The following PRKCH variants were observed in gnomAD, a reference collection of about 807,000 sequenced individuals.
The protein encoded by PRKCH is protein kinase C eta type.
Under a neutral mutation model 82.5 loss-of-function variants are expected in PRKCH, and 28 were observed. That is an observed-to-expected ratio of 0.34 (90% CI 0.25 to 0.47). The LOEUF is 0.47. Among genes scored for constraint, PRKCH ranks in the 20% least tolerant of loss-of-function variants. The pLI is 1.00. For missense variants in PRKCH, 705 were observed against 881.8 expected, an observed-to-expected ratio of 0.80 and a Z score of 2.54; for synonymous variants, 322 against 327.4, an observed-to-expected ratio of 0.98 and a Z score of 0.18.
chr14:61,386,206 T>A (rs931023995), intron 1 of PRKCH, among the ~76,000 whole-genome samples: 1 of 152,062 alleles, frequency 6.6e-6, no homozygotes, highest in African/African-American at 2.4e-5. Context: ...GCTGCAGTGG[T>A]GGGAAGAGCT....
At chr14:61,203,283 A>T (rs553137171) in intron 1 of PRKCH, among the ~76,000 whole-genome samples, 1 of 152,196 alleles carries the variant, frequency 6.6e-6, no homozygotes, top group South Asian at 2.1e-4. Flanking sequence ...AGAAACCCTA[A>T]ACCAGAAGCT....
chr14:61,290,604 T>G (rs755892160), intron 1 of PRKCH, among the ~76,000 whole-genome samples: 8 of 152,220 alleles, frequency 5.3e-5, no homozygotes, highest in Non-Finnish European at 1.0e-4. Context: ...CATCCCATTC[T>G]CCTATCCTTG....
At chr14:61,430,405 T>G (rs1203669938) in intron 2 of PRKCH, among the ~76,000 whole-genome samples, 1 of 152,214 alleles carries the variant, frequency 6.6e-6, no homozygotes, top group Non-Finnish European at 1.5e-5. Context: ...GGCAGTTTCT[T>G]ACAGAACTAA....
At chr14:61,490,720 C>T (rs1050114361) in intron 10 of PRKCH, among the ~76,000 whole-genome samples, 4 of 152,076 alleles carry the variant, frequency 2.6e-5, no homozygotes, top group African/African-American at 9.7e-5. Context: ...TCAAGACCAG[C>T]GTAGGCAACA....
At chr14:61,249,410 ACACT>A (rs910497779) in intron 1 of PRKCH, among the ~76,000 whole-genome samples, 5 of 151,958 alleles carry the variant, frequency 3.3e-5, no homozygotes, top group Admixed American at 3.3e-4. Flanking sequence ...TGTTTTGTAC[ACACT>A]CACTTTGGCA....
chr14:61,365,203 G>T (rs2140166083), intron 1 of PRKCH, among the ~76,000 whole-genome samples: 1 of 152,204 alleles, frequency 6.6e-6, no homozygotes, highest in Non-Finnish European at 1.5e-5. Flanking sequence ...GTAGATAGGT[G>T]TGTGTCCTAA....
At chr14:61,369,420 T>C (rs576480831) in intron 1 of PRKCH, among the ~76,000 whole-genome samples, 3 of 152,272 alleles carry the variant, frequency 2.0e-5, no homozygotes, top group East Asian at 3.9e-4. Context: ...CATTAGGGTT[T>C]ATCGTGAACC....
chr14:61,331,304 G>A (rs561226929), intron 1 of PRKCH, among the ~76,000 whole-genome samples: 3 of 152,032 alleles, frequency 2.0e-5, no homozygotes, highest in African/African-American at 7.2e-5. Flanking sequence ...AAATATATGG[G>A]GAGTTAACTT....
intron 1 of PRKCH, among the ~76,000 whole-genome samples, chr14:61,257,813 G>A (rs1288259709): frequency 1.3e-5 from 2 of 152,172 alleles, no homozygotes; most frequent in East Asian, 3.9e-4. Flanking sequence ...TGTAAGTCAT[G>A]TGAGGTGATT....
At chr14:61,191,733 A>T (rs2044407944) in intron 1 of PRKCH, among the ~76,000 whole-genome samples, 1 of 151,986 alleles carries the variant, frequency 6.6e-6, no homozygotes, top group Admixed American at 6.6e-5. Context: ...ACTCCTTCTG[A>T]ATTGCCTGGC....
At chr14:61,375,602 G>C (rs2046418913) in intron 1 of PRKCH, among the ~76,000 whole-genome samples, 1 of 150,730 alleles carries the variant, frequency 6.6e-6, no homozygotes, top group African/African-American at 2.4e-5. Context: ...TGGCAGAGCA[G>C]AGAGAGAGAG....
At chr14:61,431,223 C>A (rs571571350) in intron 2 of PRKCH, among the ~76,000 whole-genome samples, 1 of 152,342 alleles carries the variant, frequency 6.6e-6, no homozygotes, top group South Asian at 2.1e-4. Flanking sequence ...AGTAAACACA[C>A]TGTACATGCG....
At chr14:61,233,869 CT>C (rs1195009679) in intron 1 of PRKCH, among the ~76,000 whole-genome samples, 1 of 152,110 alleles carries the variant, frequency 6.6e-6, no homozygotes, top group Non-Finnish European at 1.5e-5. Flanking sequence ...TCAGGTATGT[CT>C]TTTTTAGCAG....
chr14:61,488,703 G>A (rs1291543525), intron 10 of PRKCH, among the ~76,000 whole-genome samples: 1 of 152,162 alleles, frequency 6.6e-6, no homozygotes, highest in African/African-American at 2.4e-5. Flanking sequence ...CTTTGAGTTG[G>A]GCCGAGCAGC....
chr14:61,246,563 G>T (rs1362667002), intron 1 of PRKCH, among the ~76,000 whole-genome samples: 5 of 151,884 alleles, frequency 3.3e-5, no homozygotes, highest in Non-Finnish European at 7.4e-5. Context: ...AGAACCATCA[G>T]ATTATTCTAT....
chr14:61,364,821 C>T (rs2046276809), intron 1 of PRKCH, among the ~76,000 whole-genome samples: 3 of 152,152 alleles, frequency 2.0e-5, no homozygotes, highest in Non-Finnish European at 2.9e-5. Flanking sequence ...GCTCGGGCAA[C>T]AGGGTGAGAC....
intron 10 of PRKCH, among the ~76,000 whole-genome samples, chr14:61,510,877 TTTTC>T (rs1273102457): frequency 2.0e-5 from 3 of 152,048 alleles, no homozygotes; most frequent in African/African-American, 7.3e-5. Context: ...AGGGGCACCT[TTTTC>T]TAATGTGCAC....
At chr14:61,406,486 G>T (rs1050742080) in intron 2 of PRKCH, among the ~76,000 whole-genome samples, 1 of 152,146 alleles carries the variant, frequency 6.6e-6, no homozygotes, top group South Asian at 2.1e-4. Context: ...CAAGTTACAG[G>T]CATTTCCTTT....
intron 1 of PRKCH, among the ~76,000 whole-genome samples, chr14:61,263,847 T>TTTTGTGTGTGTG (rs1299610392): frequency 6.9e-6 from 1 of 144,194 alleles, no homozygotes; most frequent in Admixed American, 7.0e-5. Context: ...AGTCAGAGTA[T>TTTTGTGTGTGTG]TGTGTGTGTG....
Sources: allele counts gnomAD v4.1 joint callset (sites outside exome capture counted in the v4.1 genomes callset), GRCh38; gene constraint gnomAD v4.1.1; transcripts MANE v1.5; gene names NCBI Gene and HGNC (gene_info 2026-07-23, HGNC 2026-07-21).